The following CSMD3 variants were observed in gnomAD, a reference collection of about 807,000 sequenced individuals.
The protein encoded by CSMD3 is CUB and sushi domain-containing protein 3.
Under a neutral mutation model 435.2 loss-of-function variants are expected in CSMD3, and 177 were observed. The ratio of observed to expected loss-of-function variants is 0.41; its 90% CI spans 0.36 to 0.46. The LOEUF is 0.46. Among genes scored for constraint, CSMD3 ranks in the 20% least tolerant of loss-of-function variants. The pLI, the probability that CSMD3 is intolerant of heterozygous loss-of-function variation, is 0.34. For missense variants in CSMD3, 4,265 were observed against 4,504.6 expected (o/e 0.95, Z 1.52); for synonymous variants, 1,656 against 1,520.5 (o/e 1.09, Z -2.07).
At chr8:112,787,808 G>A (rs1174318953) in intron 13 of CSMD3, among the ~76,000 whole-genome samples, 3 of 152,104 alleles carry the variant, frequency 2.0e-5, no homozygotes, top group Non-Finnish European at 2.9e-5. Flanking sequence ...TGGGGTGGTC[G>A]GGAGAGGAGG....
chr8:112,758,126 G>A (rs1011574259), intron 13 of CSMD3, among the ~76,000 whole-genome samples: 5 of 151,906 alleles, frequency 3.3e-5, no homozygotes, highest in South Asian at 4.1e-4. Context: ...AGCCCGAGGC[G>A]GGTGGATCAC....
At chr8:112,346,669 C>CTTTTTTTTTT (rs1402415225) in intron 40 of CSMD3, among the ~76,000 whole-genome samples, 4 of 111,832 alleles carry the variant, frequency 3.6e-5, no homozygotes, top group South Asian at 2.9e-4. Context: ...CCTCCTTTTC[C>CTTTTTTTTTT]TTTTTTTTTT....
At chr8:112,296,207 G>T (rs1482170782) in intron 53 of CSMD3, among the ~76,000 whole-genome samples, 2 of 152,142 alleles carry the variant, frequency 1.3e-5, no homozygotes, top group Non-Finnish European at 2.9e-5. Context: ...GAAGACACGT[G>T]TCTAGTGACA....
At chr8:112,357,051 G>A (rs1826688736) in intron 38 of CSMD3, among the ~76,000 whole-genome samples, 1 of 152,126 alleles carries the variant, frequency 6.6e-6, no homozygotes, top group Admixed American at 6.5e-5. Context: ...CAGTTTGGAG[G>A]GCTCAGAAGA....
At chr8:112,610,522 T>G (rs908431221) in intron 22 of CSMD3, among the ~76,000 whole-genome samples, 1 of 152,104 alleles carries the variant, frequency 6.6e-6, no homozygotes, top group African/African-American at 2.4e-5. Flanking sequence ...AAATACACAT[T>G]GTTGCTGATT....
chr8:112,645,026 A>G lies in CSMD3; in HGVS notation c.3310+83T>C, dbSNP rs144146878. On this transcript the variant is annotated intron_variant, in intron 20 of 70. Coordinates refer to ENST00000297405, the MANE Select transcript of CSMD3 (RefSeq NM_198123.2). ...TGATCTGTTTTTGCTCATGCAAAAT[A>G]ACATGTAAAGGAAAGTGAAATAAGA... 4,294 of 815,416 alleles carry G rather than the reference A, an allele frequency of 5.3e-3. 25 individuals carry two copies. Among genetic ancestry groups the G allele is most frequent in the Non-Finnish European group, 6.7e-3 (3,052 of 453,322 alleles). The allele number at this position is 815,416 out of a possible 1,614,324, so 50.5% of individuals were successfully genotyped here.
intron 22 of CSMD3, among the ~76,000 whole-genome samples, chr8:112,609,916 G>C (rs1833124693): frequency 6.6e-6 from 1 of 152,100 alleles, no homozygotes; most frequent in Admixed American, 6.6e-5. Context: ...AAATAAGCCA[G>C]ACACACAAAG....
At chr8:112,865,383 A>T (rs1342636095) in intron 10 of CSMD3, among the ~76,000 whole-genome samples, 1 of 152,104 alleles carries the variant, frequency 6.6e-6, no homozygotes, top group East Asian at 1.9e-4. Context: ...GCCCTGAAGT[A>T]CCTTTTTCAC....
chr8:112,739,814 T>C (rs1415267364), intron 13 of CSMD3, among the ~76,000 whole-genome samples: 4 of 151,878 alleles, frequency 2.6e-5, no homozygotes, highest in African/African-American at 9.7e-5. Flanking sequence ...TACATTTAAG[T>C]GTTTGAATAT....
chr8:112,349,898 A>AAGTC (rs1314196121), intron 40 of CSMD3, among the ~76,000 whole-genome samples: 2 of 152,222 alleles, frequency 1.3e-5, no homozygotes, highest in African/African-American at 2.4e-5. Flanking sequence ...TTATATTTTG[A>AAGTC]AGTCCTAACC....
chr8:113,110,334 G>A (rs2090601437), intron 4 of CSMD3, among the ~76,000 whole-genome samples: 1 of 152,000 alleles, frequency 6.6e-6, no homozygotes, highest in African/African-American at 2.4e-5. Flanking sequence ...TAAGCTTCAA[G>A]AGAAGCAAAG....
intron 5 of CSMD3, among the ~76,000 whole-genome samples, chr8:113,027,969 A>C (rs577773929): frequency 1.3e-5 from 2 of 152,230 alleles, no homozygotes; most frequent in African/African-American, 4.8e-5. Context: ...GTTTGCATAG[A>C]ATTACAGGCA....
intron 3 of CSMD3, among the ~76,000 whole-genome samples, chr8:113,271,728 A>G (rs2093529084): frequency 6.6e-6 from 1 of 152,154 alleles, no homozygotes; most frequent in South Asian, 2.1e-4. Flanking sequence ...CTGGGGCACC[A>G]CTTAGTGAGC....
intron 6 of CSMD3, among the ~76,000 whole-genome samples, chr8:112,998,226 A>G (rs575017114): frequency 6.6e-6 from 1 of 151,998 alleles, no homozygotes; most frequent in South Asian, 2.1e-4. Flanking sequence ...GTGAACATTT[A>G]TTTTCCTTTT....
chr8:112,564,309 TCCTTCCTTCTTC>T (rs1322745583), intron 24 of CSMD3, among the ~76,000 whole-genome samples: 4 of 150,898 alleles, frequency 2.7e-5, no homozygotes, highest in Admixed American at 2.0e-4. Context: ...CTTCTTCCTC[TCCTTCCTTCTTC>T]CCTTCCTTCT....
intron 11 of CSMD3, among the ~76,000 whole-genome samples, chr8:112,845,707 G>C (rs986524072): frequency 1.3e-5 from 2 of 151,820 alleles, no homozygotes; most frequent in African/African-American, 4.8e-5. Context: ...CTTGGAGTAA[G>C]CAGAAAAATG....
chr8:112,659,799 T>C (rs1254234409), intron 17 of CSMD3, among the ~76,000 whole-genome samples: 1 of 152,144 alleles, frequency 6.6e-6, no homozygotes, highest in Non-Finnish European at 1.5e-5. Context: ...TATTTTGTTT[T>C]GTATTTTACA....
At chr8:112,762,171 A>T (rs980305193) in intron 13 of CSMD3, among the ~76,000 whole-genome samples, 14 of 151,930 alleles carry the variant, frequency 9.2e-5, no homozygotes, top group African/African-American at 3.4e-4. Context: ...GAAGTCTTTA[A>T]CTAAAATTTA....
At chr8:112,950,591 C>G (rs1005479355) in intron 8 of CSMD3, among the ~76,000 whole-genome samples, 13 of 151,928 alleles carry the variant, frequency 8.6e-5, no homozygotes, top group African/African-American at 3.1e-4. Flanking sequence ...CAGAACTATT[C>G]TACATACTTT....
Sources: allele counts gnomAD v4.1 joint callset (sites outside exome capture counted in the v4.1 genomes callset), GRCh38; gene constraint gnomAD v4.1.1; transcripts MANE v1.5; gene names NCBI Gene and HGNC (gene_info 2026-07-23, HGNC 2026-07-21).